The following UBTD1 variants were observed in gnomAD, a reference collection of about 807,000 sequenced individuals.
UBTD1 encodes ubiquitin domain containing 1.
A neutral mutation model predicts 21.7 loss-of-function variants in UBTD1; 19 were observed. The observed-to-expected ratio is 0.87, with a 90% CI of 0.61 to 1.28. UBTD1 has a LOEUF of 1.28. Among genes scored for constraint, UBTD1 ranks in the 50% most tolerant of loss-of-function variants. The probability of loss-of-function intolerance (pLI) is 0.00; values close to 1 mark genes in which losing one functional copy is unlikely to be tolerated. For missense variants in UBTD1, 282 were observed against 315.1 expected, an observed-to-expected ratio of 0.89 and a Z score of 0.80; for synonymous variants, 116 against 135.1, an observed-to-expected ratio of 0.86 and a Z score of 0.98.
intron 1 of UBTD1, among the ~76,000 whole-genome samples, chr10:97,505,727 G>A (rs1489858643): frequency 6.6e-6 from 1 of 152,122 alleles, no homozygotes; most frequent in Non-Finnish European, 1.5e-5. Context: ...GTGCCATGAG[G>A]TGACTGCCAC....
chr10:97,504,656 T>C (rs1041831399), intron 1 of UBTD1, among the ~76,000 whole-genome samples: 1 of 152,234 alleles, frequency 6.6e-6, no homozygotes, highest in African/African-American at 2.4e-5. Flanking sequence ...AGATTTTTAT[T>C]TGTTCACTCT....
intron 1 of UBTD1, among the ~76,000 whole-genome samples, chr10:97,535,168 C>T (rs146273829): frequency 8.7e-4 from 133 of 152,344 alleles, no homozygotes; most frequent in African/African-American, 3.2e-3. Flanking sequence ...GTCACAGAGG[C>T]ATCACCATCC....
chr10:97,517,360 A>G (rs930819786), intron 1 of UBTD1, among the ~76,000 whole-genome samples: 3 of 152,064 alleles, frequency 2.0e-5, no homozygotes, highest in African/African-American at 7.2e-5. Flanking sequence ...TGTTTACAGC[A>G]GGAAGGGAAG....
chr10:97,564,376 A>G (rs1009842624), intron 1 of UBTD1, among the ~76,000 whole-genome samples: 1 of 152,014 alleles, frequency 6.6e-6, no homozygotes, highest in Non-Finnish European at 1.5e-5. Context: ...CTTATGGGGG[A>G]AGTTTACATT....
chr10:97,569,962 G>T (rs771628113), intron 2 of UBTD1, among the ~76,000 whole-genome samples, 176 bp from the exon 3 acceptor site: 3 of 151,930 alleles, frequency 2.0e-5, no homozygotes, highest in Non-Finnish European at 2.9e-5. Context: ...GGGTCAGAAG[G>T]TCAGGGCCCC....
chr10:97,506,199 G>T (rs1221188966), intron 1 of UBTD1, among the ~76,000 whole-genome samples: 1 of 152,226 alleles, frequency 6.6e-6, no homozygotes, highest in Non-Finnish European at 1.5e-5. Context: ...CTCCGGGAGT[G>T]CCCTGCCTCA....
intron 2 of UBTD1, among the ~76,000 whole-genome samples, 171 bp downstream of exon 2, chr10:97,568,312 A>G (rs533427430): frequency 6.6e-6 from 1 of 152,334 alleles, no homozygotes; most frequent in Non-Finnish European, 1.5e-5. Flanking sequence ...AGAAAAAGAG[A>G]CACAGTCTAT....
intron 1 of UBTD1, among the ~76,000 whole-genome samples, chr10:97,529,081 C>G (rs1224028906): frequency 1.3e-5 from 2 of 151,634 alleles, no homozygotes; most frequent in Non-Finnish European, 2.9e-5. Flanking sequence ...CCTCACCTCC[C>G]AGACAGGGTC....
intron 1 of UBTD1, among the ~76,000 whole-genome samples, chr10:97,514,720 A>T (rs2040437455): frequency 6.6e-6 from 1 of 152,122 alleles, no homozygotes; most frequent in Admixed American, 6.5e-5. Flanking sequence ...CATCTGAGTG[A>T]TGAAGGAGTT....
chr10:97,518,303 C>T (rs530456476), intron 1 of UBTD1, among the ~76,000 whole-genome samples: 14 of 152,272 alleles, frequency 9.2e-5, no homozygotes, highest in African/African-American at 2.2e-4. Context: ...ATGCCGACCT[C>T]GCTCCATCCA....
At chr10:97,534,905 A>G (rs944368321) in intron 1 of UBTD1, among the ~76,000 whole-genome samples, 1 of 152,086 alleles carries the variant, frequency 6.6e-6, no homozygotes, top group Admixed American at 6.5e-5. Context: ...CCGCCTCCCC[A>G]CCAAGCGGCA....
At chr10:97,528,402 ACTCCCCCACCTCCCTCCCG>A (rs2040504162) in intron 1 of UBTD1, among the ~76,000 whole-genome samples, 1 of 54,164 alleles carries the variant, frequency 1.8e-5, no homozygotes, top group Non-Finnish European at 3.9e-5. Flanking sequence ...CGGGGGGCTG[ACTCCCCCACCTCCCTCCCG>A]GACGGGGCGG....
intron 1 of UBTD1, among the ~76,000 whole-genome samples, chr10:97,564,532 A>G (rs538759518): frequency 3.3e-5 from 5 of 152,120 alleles, no homozygotes; most frequent in Non-Finnish European, 7.4e-5. Context: ...TTTCATCTAC[A>G]TAATAAGAAC....
intron 1 of UBTD1, among the ~76,000 whole-genome samples, chr10:97,547,379 T>C (rs2040615956): frequency 6.6e-6 from 1 of 152,094 alleles, no homozygotes; most frequent in Non-Finnish European, 1.5e-5. Flanking sequence ...CTGTTTTATT[T>C]ATTAGCCACC....
At chr10:97,567,218 G>A (rs947974330) in intron 1 of UBTD1, among the ~76,000 whole-genome samples, 5 of 151,832 alleles carry the variant, frequency 3.3e-5, no homozygotes, top group African/African-American at 1.2e-4. Flanking sequence ...CTAGAGGAGC[G>A]TGCCATCATG....
intron 1 of UBTD1, among the ~76,000 whole-genome samples, chr10:97,551,501 C>T (rs577350806): frequency 2.6e-5 from 4 of 152,334 alleles, no homozygotes; most frequent in African/African-American, 9.6e-5. Context: ...CCTTTGTCAG[C>T]TTCATTAAGG....
At chr10:97,503,291 G>T (rs1179068852) in intron 1 of UBTD1, among the ~76,000 whole-genome samples, 2 of 152,200 alleles carry the variant, frequency 1.3e-5, no homozygotes, top group African/African-American at 4.8e-5. Flanking sequence ...GATGCTGGGT[G>T]GTTCTTGTAT....
intron 1 of UBTD1, among the ~76,000 whole-genome samples, chr10:97,528,865 C>T (rs1273242888): frequency 2.0e-5 from 3 of 148,556 alleles, no homozygotes; most frequent in East Asian, 2.1e-4. Flanking sequence ...GCGCCCCTCA[C>T]CTCCCGGATG....
At chr10:97,501,054 C>T (rs1034919631) in intron 1 of UBTD1, among the ~76,000 whole-genome samples, 1 of 152,172 alleles carries the variant, frequency 6.6e-6, no homozygotes, top group Non-Finnish European at 1.5e-5. Context: ...TGTCGCCTGC[C>T]TCTCAGCCAG....
Sources: allele counts gnomAD v4.1 joint callset (sites outside exome capture counted in the v4.1 genomes callset), GRCh38; gene constraint gnomAD v4.1.1; transcripts MANE v1.5; gene names NCBI Gene and HGNC (gene_info 2026-07-23, HGNC 2026-07-21).